The following SNX5 variants were observed in gnomAD, a reference collection of about 807,000 sequenced individuals.
SNX5 encodes sorting nexin-5.
SNX5 carries 31 observed loss-of-function variants against 53.9 expected under a neutral mutation model. The observed-to-expected ratio is 0.58, with a 90% CI of 0.43 to 0.78. SNX5 has a LOEUF of 0.78. Among genes scored for constraint, SNX5 ranks in the 30% least tolerant of loss-of-function variants. The pLI is 0.00. For synonymous variants in SNX5, 168 were observed against 171.1 expected (o/e 0.98, Z 0.14); for missense variants, 471 against 478.8 (o/e 0.98, Z 0.15).
rs918799378 is a variant in SNX5 at position 17,947,591 on chromosome 20, C to A, written c.973G>T (p.Ala325Ser). 8 of 1,614,000 alleles carry A rather than the reference C, an allele frequency of 5.0e-6. No homozygotes were observed. Among genetic ancestry groups the A allele is most frequent in the Non-Finnish European group, 6.8e-6 (8 of 1,179,928 alleles). The change falls in exon 11 of 13, where the codon GCT becomes TCT. Residue 325 changes from alanine to serine, a missense_variant. Physicochemically the swap from Ala to Ser is moderately conservative, Grantham distance 99. Transcript: ENST00000377759. ...CTCTTTAACCGGGCCTTATCCAGAGCTTTGTTTGAGTTCTCATAGTCAATG... is the reference window on the plus strand; with the variant it reads ...CTCTTTAACCGGGCCTTATCCAGAGATTTGTTTGAGTTCTCATAGTCAATG... Reference protein sequence around the residue: ...ALIDYENSNKALDKARLKSKD... With the variant: ...ALIDYENSNKSLDKARLKSKD...
intron 8 of SNX5, among the ~76,000 whole-genome samples, chr20:17,949,904 G>A (rs2039540273): frequency 1.3e-5 from 2 of 152,182 alleles, no homozygotes; most frequent in Non-Finnish European, 2.9e-5. Context: ...CTACTGCTTT[G>A]ACAACATTTA....
intron 6 of SNX5, 70 bp downstream of exon 6, chr20:17,951,430 T>C: frequency 1.1e-6 from 1 of 884,530 alleles, no homozygotes; most frequent in African/African-American, 1.7e-5. Context: ...AGTATCTCTT[T>C]CAAAGAAACA....
chr20:17,957,380 A>C (rs1389972666), intron 1 of SNX5, among the ~76,000 whole-genome samples: 1 of 150,996 alleles, frequency 6.6e-6, no homozygotes, highest in Admixed American at 6.6e-5. Flanking sequence ...GCTTGCAGTG[A>C]GCTGAGATCA....
intron 2 of SNX5, among the ~76,000 whole-genome samples, chr20:17,956,313 G>A (rs939940822): frequency 1.3e-5 from 2 of 152,176 alleles, no homozygotes; most frequent in Non-Finnish European, 2.9e-5. Context: ...ACTGAAGTGT[G>A]CTATTCAAGC....
intron 10 of SNX5, among the ~76,000 whole-genome samples, chr20:17,948,110 A>T (rs796563181): frequency 2.6e-5 from 4 of 152,368 alleles, no homozygotes; most frequent in African/African-American, 9.6e-5. Context: ...GATTCTTTGC[A>T]ATCTTACAAC....
In SNX5 at chr20:17,947,585, C is replaced by G; in HGVS notation, c.979G>C (p.Asp327His). The change falls in exon 11 of 13, where the codon GAT becomes CAT. Residue 327 changes from aspartate to histidine, a missense_variant. Physicochemically the swap from Asp to His is moderately conservative, Grantham distance 81. Transcript: ENST00000377759. ...TCTTTGCTCTTTAACCGGGCCTTAT[C>G]CAGAGCTTTGTTTGAGTTCTCATAG... is the stretch of plus-strand genomic sequence containing the variant. ...IDYENSNKAL[D>H]KARLKSKDVK... 4 of 1,614,004 alleles carry G rather than the reference C, an allele frequency of 2.5e-6. No individual in the cohort carries two copies. The highest frequency in any genetic ancestry group is 3.4e-6 in the Non-Finnish European group (4 of 1,179,912).
chr20:17,963,014 T>C, intron 1 of SNX5: 1 of 404,536 alleles, frequency 2.5e-6, no homozygotes, highest in East Asian at 6.2e-5. Flanking sequence ...CTTAAATATC[T>C]AATGCATGTC....
intron 1 of SNX5, among the ~76,000 whole-genome samples, chr20:17,963,984 TTCA>T (rs2035498045): frequency 6.6e-6 from 1 of 152,152 alleles, no homozygotes; most frequent in African/African-American, 2.4e-5. Flanking sequence ...CAGGGGCCCA[TTCA>T]GGAGGCTGAG....
chr20:17,952,133 G>T (rs924858085), intron 5 of SNX5, among the ~76,000 whole-genome samples: 13 of 152,144 alleles, frequency 8.5e-5, no homozygotes, highest in African/African-American at 3.1e-4. Context: ...TGAGGCAGGA[G>T]AATGGCGTGA....
At chr20:17,956,691 A>AAAAAC (rs2035364194) in intron 2 of SNX5, among the ~76,000 whole-genome samples, 1 of 131,128 alleles carries the variant, frequency 7.6e-6, no homozygotes, top group Admixed American at 7.4e-5. Flanking sequence ...AAAAAAAAAA[A>AAAAAC]AAAAAAAAAA....
chr20:17,964,894 C>T (rs1169558844), intron 1 of SNX5, among the ~76,000 whole-genome samples: 1 of 152,216 alleles, frequency 6.6e-6, no homozygotes, highest in Admixed American at 6.5e-5. Flanking sequence ...CACTCACAAA[C>T]ACAAACACGA....
chr20:17,957,978 C>G (rs1370408562), intron 1 of SNX5, among the ~76,000 whole-genome samples: 2 of 129,188 alleles, frequency 1.5e-5, no homozygotes, highest in African/African-American at 5.8e-5. Context: ...AGGAAAAAAA[C>G]TACCTAACTC....
At position 17,953,986 on chromosome 20, in the gene SNX5, A is replaced by G; in HGVS notation, c.389+10T>C. On this transcript the variant is annotated intron_variant, in intron 4 of 12. Transcript: ENST00000377759. ...TCAAAAGACAGAGCCCACCAGGAAA[A>G]TCCACTTACGCTTCCAGTTCTTGTT... The G allele has an allele frequency of 1.9e-6, 3 of 1,611,166 alleles. No homozygotes were observed. The highest frequency in any genetic ancestry group is 2.5e-6 in the Non-Finnish European group (3 of 1,177,736).
Position 17,950,408 on chromosome 20 carries a change from A to C in SNX5, c.610-12T>G, listed in dbSNP as rs1283912177. The C allele has an allele frequency of 6.8e-7, 1 of 1,477,838 alleles. No individual in the cohort carries two copies. Among genetic ancestry groups the C allele is most frequent in the Admixed American group, 1.8e-5 (1 of 57,064 alleles). The allele number at this position is 1,477,838 out of a possible 1,614,324, so 91.5% of individuals were successfully genotyped here. A position where few individuals can be genotyped will look rare whatever the true frequency, so the allele number is the denominator to read the frequency against. On this transcript the variant is annotated splice_polypyrimidine_tract_variant and intron_variant, in intron 6 of 12. Coordinates refer to ENST00000377759, the MANE Select transcript of SNX5 (RefSeq NM_014426.4). Reference sequence around the variant, plus strand: ...AAGTCATCTACCTCCTAGAAGGAAGAAAAAAAGAACCAGACATTTCATGAA... The same window carrying C: ...AAGTCATCTACCTCCTAGAAGGAAGCAAAAAAGAACCAGACATTTCATGAA...
At chr20:17,947,413 C>T in intron 11 of SNX5, 73 bp downstream of exon 11, 2 of 1,532,442 alleles carry the variant, frequency 1.3e-6, no homozygotes, top group Non-Finnish European at 1.8e-6. Flanking sequence ...GTTTTTTGCA[C>T]TATTTGTAGA....
chr20:17,953,852 A>T (rs2067399021), intron 4 of SNX5, 144 bp downstream of exon 4: 5 of 651,012 alleles, frequency 7.7e-6, no homozygotes, highest in Non-Finnish European at 1.4e-5. Flanking sequence ...AAGATGTATT[A>T]CTAGTTTTAG....
intron 1 of SNX5, among the ~76,000 whole-genome samples, chr20:17,959,956 G>A (rs2035421387): frequency 6.6e-6 from 1 of 152,040 alleles, no homozygotes; most frequent in South Asian, 2.1e-4. Flanking sequence ...AGCCCTGCTG[G>A]CCAACACTTG....
chr20:17,955,516 T>C (rs1284004672), intron 2 of SNX5, 41 bp from the exon 3 acceptor site: 4 of 1,401,792 alleles, frequency 2.9e-6, no homozygotes, highest in Non-Finnish European at 4.0e-6. Context: ...CCACGACTTT[T>C]AGATAAGTGA....
intron 8 of SNX5, 148 bp from the exon 9 acceptor site, chr20:17,949,251 C>G: frequency 1.5e-6 from 1 of 666,250 alleles, no homozygotes; most frequent in Non-Finnish European, 2.6e-6. Flanking sequence ...CTCACTTCAA[C>G]TGACCCCAAA....
Sources: allele counts gnomAD v4.1 joint callset (sites outside exome capture counted in the v4.1 genomes callset), GRCh38; gene constraint gnomAD v4.1.1; transcripts MANE v1.5; gene names NCBI Gene and HGNC (gene_info 2026-07-23, HGNC 2026-07-21).